CLVS1: variants seen among roughly 807,000 people sequenced by gnomAD.
CLVS1 encodes clavesin-1.
CLVS1 carries 10 observed loss-of-function variants against 33.1 expected under a neutral mutation model. That is an observed-to-expected ratio of 0.30 (90% CI 0.19 to 0.51). CLVS1 has a LOEUF of 0.51. CLVS1 is among the 20% of genes least tolerant of loss of function. The pLI is 0.97. For missense variants in CLVS1, 343 were observed against 433.4 expected, an observed-to-expected ratio of 0.79 and a Z score of 1.85; for synonymous variants, 163 against 166.1, an observed-to-expected ratio of 0.98 and a Z score of 0.14.
chr8:61,458,571 C>G (rs552307897), intron 5 of CLVS1, 29 bp downstream of exon 5: 286 of 1,461,832 alleles, frequency 2.0e-4, no homozygotes, highest in South Asian at 2.7e-4. Flanking sequence ...GAGCCCCCCC[C>G]CCAGTCAGAG....
intron 2 of CLVS1, among the ~76,000 whole-genome samples, chr8:61,367,143 T>A (rs6994385): frequency 6.6e-6 from 1 of 151,814 alleles, no homozygotes; most frequent in South Asian, 2.1e-4. Context: ...TTCCCTTTAA[T>A]GGAGCTGCTC....
At chr8:61,047,308 C>T in the CLVS1 span, among the ~76,000 whole-genome samples, 1 of 152,166 alleles carries the variant, frequency 6.6e-6, no homozygotes, top group Non-Finnish European at 1.5e-5. Flanking sequence ...CAGGAAACAA[C>T]AGTTGCTGGA....
intron 3 of CLVS1, among the ~76,000 whole-genome samples, chr8:61,394,153 C>G (rs539492621): frequency 2.6e-5 from 4 of 152,342 alleles, no homozygotes; most frequent in African/African-American, 9.6e-5. Flanking sequence ...TCTAGACCAG[C>G]CTTGCCAACA....
At chr8:61,400,365 T>C (rs1416149895) in intron 3 of CLVS1, among the ~76,000 whole-genome samples, 2 of 152,226 alleles carry the variant, frequency 1.3e-5, no homozygotes, top group Non-Finnish European at 2.9e-5. Flanking sequence ...ATGTTAGTGA[T>C]TTCTGCACAC....
chr8:61,410,967 T>C (rs1381703989), intron 3 of CLVS1, among the ~76,000 whole-genome samples: 1 of 152,314 alleles, frequency 6.6e-6, no homozygotes, highest in Non-Finnish European at 1.5e-5. Flanking sequence ...AACTGACATT[T>C]GTGGGCACTG....
intron 2 of CLVS1, among the ~76,000 whole-genome samples, chr8:61,339,452 C>T (rs2129598037): frequency 6.6e-6 from 1 of 152,254 alleles, no homozygotes; most frequent in East Asian, 1.9e-4. Context: ...CATTTAGCAG[C>T]TGTGAGAGGC....
chr8:61,160,552 A>C (rs952359640), intron 2 of CLVS1, among the ~76,000 whole-genome samples: 11 of 152,348 alleles, frequency 7.2e-5, no homozygotes, highest in Non-Finnish European at 1.5e-4. Flanking sequence ...AGGGCCTTAG[A>C]GTATCCCCAC....
intron 2 of CLVS1, among the ~76,000 whole-genome samples, chr8:61,333,151 T>C (rs1811663675): frequency 2.0e-5 from 3 of 152,256 alleles, no homozygotes; most frequent in African/African-American, 7.2e-5. Flanking sequence ...TTTATTACAT[T>C]GCTTAGGAAG....
chr8:61,136,943 A>C (rs570571253), intron 2 of CLVS1, among the ~76,000 whole-genome samples: 12 of 152,302 alleles, frequency 7.9e-5, no homozygotes, highest in African/African-American at 2.6e-4. Flanking sequence ...GTATAATCCC[A>C]CTGGCTCCTG....
chr8:61,438,060 G>C (rs1368439237), intron 3 of CLVS1, among the ~76,000 whole-genome samples: 1 of 152,052 alleles, frequency 6.6e-6, no homozygotes, highest in African/African-American at 2.4e-5. Context: ...GGGTACATGT[G>C]CACAATATGC....
intron 1 of CLVS1, among the ~76,000 whole-genome samples, chr8:61,103,144 A>G (rs1450522875): frequency 1.3e-5 from 2 of 152,224 alleles, no homozygotes; most frequent in Non-Finnish European, 2.9e-5. Context: ...AAGCAGCAAT[A>G]CTTTTCTTTG....
chr8:61,143,999 G>T (rs965159168), intron 2 of CLVS1, among the ~76,000 whole-genome samples: 4 of 151,102 alleles, frequency 2.6e-5, no homozygotes, highest in East Asian at 1.9e-4. Flanking sequence ...GAGTTAAATT[G>T]TTTTCTCTTC....
At chr8:61,470,211 C>T (rs1301020211) in intron 5 of CLVS1, among the ~76,000 whole-genome samples, 1 of 152,144 alleles carries the variant, frequency 6.6e-6, no homozygotes, top group African/African-American at 2.4e-5. Flanking sequence ...ACAACCTGTA[C>T]AGCTGTGTAA....
the CLVS1 span, among the ~76,000 whole-genome samples, chr8:61,046,924 G>A: frequency 2.6e-5 from 4 of 152,142 alleles, no homozygotes; most frequent in Non-Finnish European, 4.4e-5. Context: ...ATACAATCAC[G>A]TCATCTGCAA....
chr8:61,174,646 C>T (rs1245663137), intron 2 of CLVS1, among the ~76,000 whole-genome samples: 2 of 152,082 alleles, frequency 1.3e-5, no homozygotes, highest in Non-Finnish European at 2.9e-5. Flanking sequence ...TACTGTGCCT[C>T]ATGAATTTTA....
intron 5 of CLVS1, among the ~76,000 whole-genome samples, chr8:61,466,513 A>G (rs1817551124): frequency 6.6e-6 from 1 of 152,188 alleles, no homozygotes; most frequent in African/African-American, 2.4e-5. Context: ...TCTGCCAGGA[A>G]ATTTCTGCAT....
intron 3 of CLVS1, among the ~76,000 whole-genome samples, chr8:61,392,576 A>G (rs1242925574): frequency 1.3e-5 from 2 of 152,146 alleles, no homozygotes; most frequent in Non-Finnish European, 2.9e-5. Context: ...TTAGAATGAT[A>G]GCCTGGCACG....
At chr8:61,199,099 G>A (rs937935010) in intron 2 of CLVS1, among the ~76,000 whole-genome samples, 2 of 152,096 alleles carry the variant, frequency 1.3e-5, no homozygotes, top group African/African-American at 4.8e-5. Context: ...TGGGATTGCT[G>A]GATCAAATGG....
At chr8:61,039,422 A>G in the CLVS1 span, among the ~76,000 whole-genome samples, 2 of 152,264 alleles carry the variant, frequency 1.3e-5, no homozygotes, top group Non-Finnish European at 2.9e-5. Context: ...ACCTGTCCAG[A>G]GCACACAGGC....
Sources: allele counts gnomAD v4.1 joint callset (sites outside exome capture counted in the v4.1 genomes callset), GRCh38; gene constraint gnomAD v4.1.1; transcripts MANE v1.5; gene names NCBI Gene and HGNC (gene_info 2026-07-23, HGNC 2026-07-21).